BTBD10: variants seen among roughly 807,000 people sequenced by gnomAD.
The protein encoded by BTBD10 is BTB/POZ domain-containing protein 10.
A neutral mutation model predicts 53.2 loss-of-function variants in BTBD10; 21 were observed. The observed-to-expected ratio is 0.39, with a 90% CI of 0.28 to 0.57. The LOEUF is 0.57. Among genes scored for constraint, BTBD10 ranks in the 20% least tolerant of loss-of-function variants. BTBD10 has a pLI of 0.53. For missense variants in BTBD10, 360 were observed against 594.7 expected (o/e 0.61, Z 4.10); for synonymous variants, 149 against 192.7 (o/e 0.77, Z 1.88).
At chr11:13,448,875 C>A (rs1950797626) in intron 1 of BTBD10, among the ~76,000 whole-genome samples, 1 of 152,082 alleles carries the variant, frequency 6.6e-6, no homozygotes, top group African/African-American at 2.4e-5. Flanking sequence ...TTGTAATCAT[C>A]AAAAAATAAT....
chr11:13,462,786 G>A (rs1055727010), intron 1 of BTBD10: 7 of 152,068 alleles, frequency 4.6e-5, no homozygotes, highest in Non-Finnish European at 8.8e-5. Context: ...CGGGGCACGG[G>A]GTTCCTCTGC....
At chr11:13,452,541 T>G (rs1950882811) in intron 1 of BTBD10, among the ~76,000 whole-genome samples, 1 of 152,212 alleles carries the variant, frequency 6.6e-6, no homozygotes, top group Admixed American at 6.5e-5. Flanking sequence ...AAACCACTTT[T>G]TGATCAAAAA....
intron 2 of BTBD10, among the ~76,000 whole-genome samples, chr11:13,426,290 A>G (rs1294935390): frequency 3.3e-5 from 5 of 152,084 alleles, no homozygotes; most frequent in Non-Finnish European, 7.4e-5. Flanking sequence ...AAAAAAAATA[A>G]GAAAGTACAG....
chr11:13,450,986 C>G (rs1049042437), intron 1 of BTBD10, among the ~76,000 whole-genome samples: 2 of 152,108 alleles, frequency 1.3e-5, no homozygotes, highest in African/African-American at 2.4e-5. Flanking sequence ...GCCTCCCCAT[C>G]CCTCACAAAT....
intron 2 of BTBD10, among the ~76,000 whole-genome samples, chr11:13,435,447 T>G (rs7102248): frequency 0.16 from 23,930 of 152,198 alleles, 2,088 homozygotes; most frequent in Admixed American, 0.24. Flanking sequence ...AATACAAGAC[T>G]CAGTTTTTAA....
intron 2 of BTBD10, chr11:13,439,780 C>A: frequency 1.1e-6 from 1 of 893,322 alleles, no homozygotes; most frequent in Non-Finnish European, 1.6e-6. Flanking sequence ...TGTAAATGAT[C>A]ATAATGAAAC....
chr11:13,416,460 T>C (rs1950115274), intron 5 of BTBD10, among the ~76,000 whole-genome samples: 1 of 152,190 alleles, frequency 6.6e-6, no homozygotes, highest in Non-Finnish European at 1.5e-5. Context: ...TCCACACTGC[T>C]AGTTATGTGC....
At chr11:13,421,197 C>G (rs892631400) in intron 3 of BTBD10, among the ~76,000 whole-genome samples, 1 of 152,144 alleles carries the variant, frequency 6.6e-6, no homozygotes, top group Non-Finnish European at 1.5e-5. Context: ...ACACATCACA[C>G]CTTTCATCTA....
At chr11:13,400,006 C>T (rs1591096603) in intron 8 of BTBD10, among the ~76,000 whole-genome samples, 1 of 152,214 alleles carries the variant, frequency 6.6e-6, no homozygotes, top group African/African-American at 2.4e-5. Flanking sequence ...GGACCCACTT[C>T]AGGAGGCAGT....
intron 1 of BTBD10, among the ~76,000 whole-genome samples, chr11:13,453,966 C>T (rs1950914976): frequency 6.6e-6 from 1 of 152,212 alleles, no homozygotes; most frequent in East Asian, 1.9e-4. Context: ...GCAGAAGAAT[C>T]GCTTGAACCT....
intron 8 of BTBD10, among the ~76,000 whole-genome samples, chr11:13,398,189 AG>A (rs1949608737): frequency 1.3e-5 from 2 of 152,122 alleles, no homozygotes; most frequent in African/African-American, 4.8e-5. Context: ...GTCTCTTTGT[AG>A]GTCACTCAGG....
chr11:13,444,858 G>T (rs916655565), intron 2 of BTBD10, among the ~76,000 whole-genome samples, 166 bp downstream of exon 2: 2 of 152,012 alleles, frequency 1.3e-5, no homozygotes, highest in African/African-American at 4.8e-5. Flanking sequence ...AAATTAAAAA[G>T]AAATGTTTCT....
At chr11:13,413,449 G>A (rs1181597580) in intron 6 of BTBD10, 81 bp downstream of exon 6, 1 of 1,242,630 alleles carries the variant, frequency 8.0e-7, no homozygotes. Context: ...GTCTAACTAG[G>A]TAAATAGCAC....
chr11:13,411,886 C>T (rs1343013136), intron 6 of BTBD10, among the ~76,000 whole-genome samples: 1 of 150,528 alleles, frequency 6.6e-6, no homozygotes, highest in Non-Finnish European at 1.5e-5. Context: ...TGCTGGAGTG[C>T]GATGGCGCAA....
At chr11:13,438,153 T>C (rs183208020) in intron 2 of BTBD10, among the ~76,000 whole-genome samples, 8 of 152,272 alleles carry the variant, frequency 5.3e-5, no homozygotes, top group Admixed American at 1.3e-4. Context: ...ACATTAAATG[T>C]AATATAAGAA....
intron 2 of BTBD10, among the ~76,000 whole-genome samples, chr11:13,438,150 AT>A (rs1950576974): frequency 6.6e-6 from 1 of 152,098 alleles, no homozygotes; most frequent in African/African-American, 2.4e-5. Flanking sequence ...CTTACATTAA[AT>A]GTAATATAAG....
chr11:13,439,990 G>C, intron 2 of BTBD10: 1 of 1,534,842 alleles, frequency 6.5e-7, no homozygotes, highest in Non-Finnish European at 8.7e-7. Flanking sequence ...CTGAAAGCCA[G>C]GTCAGCATCC....
At chr11:13,428,965 T>C (rs1565255176) in intron 2 of BTBD10, among the ~76,000 whole-genome samples, 1 of 152,152 alleles carries the variant, frequency 6.6e-6, no homozygotes, top group African/African-American at 2.4e-5. Context: ...TATTTCTATA[T>C]ACCAACAATA....
chr11:13,418,012 T>C (rs926477151), intron 4 of BTBD10, among the ~76,000 whole-genome samples: 23 of 152,150 alleles, frequency 1.5e-4, no homozygotes, highest in African/African-American at 5.1e-4. Context: ...AAAAATGTAT[T>C]CTAGTACTCT....
Sources: gnomAD v4.1 joint callset for allele counts (sites outside exome capture counted in the v4.1 genomes callset) on GRCh38, gnomAD v4.1.1 for gene constraint, MANE v1.5 for transcripts, NCBI Gene and HGNC (gene_info 2026-07-23, HGNC 2026-07-21) for gene names.